The following METTL25 variants were observed in gnomAD, a reference collection of about 807,000 sequenced individuals.
METTL25 encodes methyltransferase like 25.
Under a neutral mutation model 71.6 loss-of-function variants are expected in METTL25, and 64 were observed. The ratio of observed to expected loss-of-function variants is 0.89; its 90% confidence interval spans 0.73 to 1.10. The LOEUF is 1.10. METTL25 is among the 50% of genes least tolerant of loss of function. The probability of loss-of-function intolerance (pLI) is 0.00; values close to 1 mark genes in which losing one functional copy is unlikely to be tolerated. For missense variants in METTL25, 807 were observed against 707.0 expected, an observed-to-expected ratio of 1.14 and a Z score of -1.60; for synonymous variants, 287 against 250.3, an observed-to-expected ratio of 1.15 and a Z score of -1.38.
At chr12:82,449,277 T>G (rs1330242956) in intron 8 of METTL25, among the ~76,000 whole-genome samples, 1 of 152,226 alleles carries the variant, frequency 6.6e-6, no homozygotes, top group Non-Finnish European at 1.5e-5. Context: ...TTCAAATGTT[T>G]GCTAATAATT....
intron 1 of METTL25, among the ~76,000 whole-genome samples, chr12:82,368,944 C>G (rs890621173): frequency 3.3e-5 from 5 of 152,110 alleles, no homozygotes; most frequent in African/African-American, 1.2e-4. Flanking sequence ...ATATTTTCAG[C>G]CAAAGCAGAA....
At chr12:82,408,475 G>A (rs1346672974) in intron 5 of METTL25, among the ~76,000 whole-genome samples, 1 of 152,062 alleles carries the variant, frequency 6.6e-6, no homozygotes, top group Non-Finnish European at 1.5e-5. Flanking sequence ...GAAGTTAAGT[G>A]GTTAGAAGCT....
chr12:82,372,016 C>A (rs1565803002), intron 1 of METTL25, among the ~76,000 whole-genome samples: 1 of 152,182 alleles, frequency 6.6e-6, no homozygotes, highest in East Asian at 1.9e-4. Context: ...AGCTGTCATT[C>A]CATCATTTAC....
intron 1 of METTL25, among the ~76,000 whole-genome samples, chr12:82,362,774 A>G (rs1342155339): frequency 6.6e-6 from 1 of 152,258 alleles, no homozygotes; most frequent in Non-Finnish European, 1.5e-5. Context: ...GGAATACAAT[A>G]TAAGAGGCTA....
chr12:82,444,721 A>G (rs1385475983), intron 8 of METTL25, among the ~76,000 whole-genome samples: 1 of 152,144 alleles, frequency 6.6e-6, no homozygotes, highest in East Asian at 1.9e-4. Context: ...ATTCCTTACC[A>G]ATCAATAGCA....
chr12:82,469,047 G>T (rs984842014), intron 9 of METTL25: 26 of 152,118 alleles, frequency 1.7e-4, no homozygotes, highest in African/African-American at 6.0e-4. Flanking sequence ...CAACACATGG[G>T]AATGGCACCA....
At chr12:82,462,560 A>G (rs961338490) in intron 9 of METTL25, among the ~76,000 whole-genome samples, 2 of 152,166 alleles carry the variant, frequency 1.3e-5, no homozygotes, top group African/African-American at 4.8e-5. Flanking sequence ...TCTGACATCT[A>G]TCTTTAAGGT....
At position 82,441,596 on chromosome 12, in the gene METTL25, G is replaced by A. The variant is rs940036507; in HGVS notation, c.1478+2805G>A. On this transcript the variant is annotated intron_variant, in intron 8 of 11. Transcript: ENST00000248306. ...CAGACTGGCTAGGGGTTTCCGGACC[G>A]AAGGAACAACACAGTACGAGTCCCC... Among the ~76,000 whole-genome samples, 14 of 151,650 alleles carry A rather than the reference G, an allele frequency of 9.2e-5. No homozygotes were observed. The East Asian group carries it at 9.7e-4, about 10-fold the overall frequency.
At chr12:82,451,850 AAT>A (rs1891165951) in intron 8 of METTL25, among the ~76,000 whole-genome samples, 1 of 152,164 alleles carries the variant, frequency 6.6e-6, no homozygotes, top group Non-Finnish European at 1.5e-5. Flanking sequence ...CTGAAATATT[AAT>A]ATGTTTAAAT....
At chr12:82,397,271 G>A (rs1217875487) in intron 3 of METTL25, among the ~76,000 whole-genome samples, 3 of 152,038 alleles carry the variant, frequency 2.0e-5, no homozygotes, top group Non-Finnish European at 2.9e-5. Flanking sequence ...CATTGGCAGT[G>A]TGTATATCTT....
intron 5 of METTL25, among the ~76,000 whole-genome samples, chr12:82,423,221 C>T (rs1176620317): frequency 6.6e-6 from 1 of 152,032 alleles, no homozygotes; most frequent in Non-Finnish European, 1.5e-5. Flanking sequence ...AGAACAGAGC[C>T]CTCAGAAATA....
At chr12:82,379,901 A>G (rs1358007290) in intron 1 of METTL25, among the ~76,000 whole-genome samples, 1 of 152,140 alleles carries the variant, frequency 6.6e-6, no homozygotes, top group African/African-American at 2.4e-5. Flanking sequence ...CAGAGCCCAA[A>G]TCTCCTTTCT....
At chr12:82,365,354 G>T (rs1032559076) in intron 1 of METTL25, among the ~76,000 whole-genome samples, 45 of 152,212 alleles carry the variant, frequency 3.0e-4, no homozygotes, top group African/African-American at 1.1e-3. Context: ...AAAATACCCT[G>T]GGAATTTGGA....
intron 2 of METTL25, among the ~76,000 whole-genome samples, chr12:82,387,340 G>A (rs1053016779): frequency 6.6e-6 from 1 of 151,836 alleles, no homozygotes; most frequent in African/African-American, 2.4e-5. Flanking sequence ...GGACATTTGG[G>A]GATGTGGGGA....
intron 1 of METTL25, among the ~76,000 whole-genome samples, chr12:82,386,374 G>A (rs771462371): frequency 1.3e-5 from 2 of 151,954 alleles, no homozygotes; most frequent in East Asian, 1.9e-4. Context: ...AGGACAGTTC[G>A]TAAATTTAAT....
rs1592633078 is a variant in METTL25, at chr12:82,389,698, C to T, written c.425-118C>T. The T allele has an allele frequency of 6.7e-6, 4 of 592,832 alleles. No homozygotes were observed. In the East Asian group the frequency reaches 1.2e-4, roughly 18 times the overall value. The allele number at this position is 592,832 out of a possible 1,614,324, so 36.7% of individuals were successfully genotyped here. ...AAGCTAGTAGAGATCTATCCAGAAA[C>T]CACAGTAGAATCTCTGTATTATTTT... On this transcript the variant is annotated intron_variant, in intron 2 of 11. Transcript: ENST00000248306.
intron 1 of METTL25, among the ~76,000 whole-genome samples, chr12:82,372,898 G>T (rs956133773): frequency 6.6e-6 from 1 of 152,122 alleles, no homozygotes; most frequent in Non-Finnish European, 1.5e-5. Context: ...AACCTGCAAC[G>T]GTCCCTGGAC....
chr12:82,406,092 G>A (rs760662953), intron 5 of METTL25, among the ~76,000 whole-genome samples: 36 of 152,076 alleles, frequency 2.4e-4, no homozygotes, highest in Non-Finnish European at 4.0e-4. Flanking sequence ...AAAGAGATAG[G>A]AAAAATAGAT....
intron 9 of METTL25, among the ~76,000 whole-genome samples, chr12:82,461,683 T>G (rs372207813): frequency 7.5e-6 from 1 of 133,916 alleles, no homozygotes; most frequent in African/African-American, 2.8e-5. Flanking sequence ...CTAAAACAGA[T>G]TAAGGAATTA....
Sources: gnomAD v4.1 joint callset for allele counts (sites outside exome capture counted in the v4.1 genomes callset) on GRCh38, gnomAD v4.1.1 for gene constraint, MANE v1.5 for transcripts, NCBI Gene and HGNC (gene_info 2026-07-23, HGNC 2026-07-21) for gene names.